The following ARHGEF18 variants were observed in gnomAD, a reference collection of about 807,000 sequenced individuals.
ARHGEF18 encodes the protein rho guanine nucleotide exchange factor 18.
A neutral mutation model predicts 155.7 loss-of-function variants in ARHGEF18; 93 were observed. That is an observed-to-expected ratio of 0.60 (90% CI 0.50 to 0.71). The LOEUF (loss-of-function observed/expected upper bound fraction) is 0.71, where lower values mean the gene tolerates loss of function less well. Ranked by LOEUF, ARHGEF18 falls within the 30% of genes least tolerant of loss-of-function variation. The pLI, the probability that ARHGEF18 is intolerant of heterozygous loss-of-function variation, is 0.00. For missense variants in ARHGEF18, 1,593 were observed against 1,816.1 expected, an observed-to-expected ratio of 0.88 and a Z score of 2.23; for synonymous variants, 742 against 753.1, an observed-to-expected ratio of 0.99 and a Z score of 0.24.
At chr19:7,383,225 A>G (rs1333295605) in intron 10 of ARHGEF18, 22 bp downstream of exon 10, 2 of 1,232,146 alleles carry the variant, frequency 1.6e-6, no homozygotes, top group African/African-American at 3.1e-5. Context: ...GGCCCAATCC[A>G]TCCTCCTGGA....
rs75724918 is a variant in ARHGEF18 at position 7,451,289 on chromosome 19, C to T, written c.1855+23C>T. 12,601 of 1,604,550 alleles carry T rather than the reference C, an allele frequency of 7.9e-3. 263 individuals carry two copies. Among genetic ancestry groups the T allele is most frequent in the Admixed American group, 0.047 (2,804 of 59,776 alleles). ...AAGGTAGGCCTTCTCCCCACTGCCCCGCCCGCCCGTGCTGCTGCAGCACAG... is the reference window on the plus strand; with the variant it reads ...AAGGTAGGCCTTCTCCCCACTGCCCTGCCCGCCCGTGCTGCTGCAGCACAG... On this transcript the variant is annotated intron_variant, in intron 16 of 28. Coordinates refer to ENST00000668164, the MANE Select transcript of ARHGEF18 (RefSeq NM_001367823.1).
intron 10 of ARHGEF18, among the ~76,000 whole-genome samples, chr19:7,396,137 G>A (rs1442602059): frequency 6.6e-6 from 1 of 152,174 alleles, no homozygotes; most frequent in Non-Finnish European, 1.5e-5. Context: ...GCACTTGAGT[G>A]TTTTGCTGTG....
chr19:7,479,439 G>A, the ARHGEF18 span, among the ~76,000 whole-genome samples: 4 of 152,142 alleles, frequency 2.6e-5, no homozygotes, highest in Admixed American at 6.6e-5. Flanking sequence ...AGCCAAGATC[G>A]CACCACTGCA....
chr19:7,421,802 C>T (rs1973364713), intron 10 of ARHGEF18, among the ~76,000 whole-genome samples: 1 of 152,098 alleles, frequency 6.6e-6, no homozygotes, highest in South Asian at 2.1e-4. Flanking sequence ...GATGATGGCC[C>T]TGACTCCACG....
rs1240042719 is a variant in ARHGEF18 at position 7,438,035 on chromosome 19, C to CCTCTTCTCTCCT, written c.968-2298_968-2287dup. ...CCTCCCCTCCCTTCCCTTCCCCTCTCCTCTTCTCTCCTCTCTTCTCTCTTC... is the reference window on the plus strand; with the variant it reads ...CCTCCCCTCCCTTCCCTTCCCCTCTCCTCTTCTCTCCTCTCTTCTCTCCTCTCTTCTCTCTTC... On this transcript the variant is annotated intron_variant, in intron 10 of 28. Coordinates refer to ENST00000668164, the MANE Select transcript of ARHGEF18 (RefSeq NM_001367823.1). 3.6e-5 allele frequency among the ~76,000 whole-genome samples: 4 copies of CCTCTTCTCTCCT among 111,318 alleles called. No homozygotes were observed. In the South Asian group the frequency reaches 1.7e-3, roughly 49 times the overall value. The allele number at this position is 111,318 out of a possible 152,430, so 73.0% of individuals were successfully genotyped here.
rs182458079 is a variant in ARHGEF18 at position 7,396,695 on chromosome 19, C to T, written c.967+13492C>T. On this transcript the variant is annotated intron_variant, in intron 10 of 28. Transcript: ENST00000668164. ...GGGCCACTGCACTCCAGCCTGGCGA[C>T]AGAGCAAGACTGTCTAAAAAAAAAA... Among the ~76,000 whole-genome samples, 19 of 148,674 alleles carry T rather than the reference C, an allele frequency of 1.3e-4. No individual in the cohort carries two copies. The East Asian group carries it at 2.5e-3, about 20-fold the overall frequency.
At chr19:7,366,338 C>G (rs1043842319) in intron 2 of ARHGEF18, among the ~76,000 whole-genome samples, 9 of 152,230 alleles carry the variant, frequency 5.9e-5, no homozygotes, top group Admixed American at 2.0e-4. Flanking sequence ...TTTGGCCAAC[C>G]AGACTCGTGT....
In ARHGEF18 at chr19:7,395,143, C is replaced by A; in HGVS notation, c.967+11940C>A. 1.0e-6 allele frequency: 1 copy of A among 985,610 alleles called. No homozygotes were observed. The highest frequency in any genetic ancestry group is 1.2e-6 in the Non-Finnish European group (1 of 830,042). 61.1% of individuals were successfully genotyped at this position (985,610 alleles called of 1,614,324 possible). ...GCGGCTTCCCGCTTCCGGCTCCCAGCTGCTAGCTACTGTGGATCTGGGGGG... is the reference window on the plus strand; with the variant it reads ...GCGGCTTCCCGCTTCCGGCTCCCAGATGCTAGCTACTGTGGATCTGGGGGG... On this transcript the variant is annotated intron_variant, in intron 10 of 28. Coordinates refer to ENST00000668164, the MANE Select transcript of ARHGEF18 (RefSeq NM_001367823.1). The surrounding 1 kb of genome is among the most constrained non-coding windows in gnomAD (Gnocchi z 5.0).
intron 10 of ARHGEF18, among the ~76,000 whole-genome samples, chr19:7,418,676 G>A (rs1370905224): frequency 6.6e-6 from 1 of 152,094 alleles, no homozygotes; most frequent in Non-Finnish European, 1.5e-5. Flanking sequence ...TCTGGATCTC[G>A]GAGGTGGGGG....
At chr19:7,432,773 A>G (rs1248876224) in intron 10 of ARHGEF18, among the ~76,000 whole-genome samples, 1 of 152,226 alleles carries the variant, frequency 6.6e-6, no homozygotes, top group African/African-American at 2.4e-5. Flanking sequence ...AAGACAGGCA[A>G]TTCTTGCTTA....
At chr19:7,446,943 TA>T in intron 14 of ARHGEF18, 99 bp from the exon 15 acceptor site, 1 of 1,250,830 alleles carries the variant, frequency 8.0e-7, no homozygotes, top group East Asian at 3.0e-5. Flanking sequence ...GAATTGCAAA[TA>T]AATCTAATAT....
At chr19:7,448,671 CAA>C (rs1007436386) in intron 15 of ARHGEF18, among the ~76,000 whole-genome samples, 1 of 136,854 alleles carries the variant, frequency 7.3e-6, no homozygotes. Context: ...CAAAAAAATA[CAA>C]AAAAAAAAAA....
intron 1 of ARHGEF18, among the ~76,000 whole-genome samples, chr19:7,357,106 C>T (rs557765978): frequency 4.6e-5 from 7 of 152,224 alleles, no homozygotes; most frequent in Admixed American, 3.3e-4. Context: ...GCGACTTGCT[C>T]GAGGTCACAC....
chr19:7,363,844 G>A (rs765850618), intron 2 of ARHGEF18, among the ~76,000 whole-genome samples: 1 of 151,254 alleles, frequency 6.6e-6, no homozygotes, highest in Non-Finnish European at 1.5e-5. Context: ...GAGAAGAAGG[G>A]TGAGTGAAAA....
At chr19:7,360,411 T>C (rs2145334227) in intron 1 of ARHGEF18, among the ~76,000 whole-genome samples, 1 of 152,192 alleles carries the variant, frequency 6.6e-6, no homozygotes, top group Non-Finnish European at 1.5e-5. Flanking sequence ...AATGTTTGTA[T>C]TTTCAGTAGA....
At chr19:7,415,081 A>G (rs975516633) in intron 10 of ARHGEF18, among the ~76,000 whole-genome samples, 2 of 152,156 alleles carry the variant, frequency 1.3e-5, no homozygotes. Flanking sequence ...CCCCCAAAAT[A>G]AAAACCACGC....
intron 1 of ARHGEF18, among the ~76,000 whole-genome samples, chr19:7,360,596 G>A (rs1177125635): frequency 6.6e-6 from 1 of 152,148 alleles, no homozygotes; most frequent in African/African-American, 2.4e-5. Flanking sequence ...CAGATACAGG[G>A]CATGAGGTCC....
chr19:7,448,913 C>T (rs1334161264), intron 15 of ARHGEF18, among the ~76,000 whole-genome samples: 1 of 152,100 alleles, frequency 6.6e-6, no homozygotes, highest in Non-Finnish European at 1.5e-5. Context: ...ACTGCTGATT[C>T]CACAAGAGCT....
chr19:7,408,496 T>G (rs1972475455), intron 10 of ARHGEF18, among the ~76,000 whole-genome samples: 1 of 152,166 alleles, frequency 6.6e-6, no homozygotes, highest in African/African-American at 2.4e-5. Flanking sequence ...ACAGTTCTGT[T>G]TCTAGGGCCA....
Sources: gnomAD v4.1 joint callset for allele counts (sites outside exome capture counted in the v4.1 genomes callset) on GRCh38, gnomAD v4.1.1 for gene constraint, Gnocchi (gnomAD v3.1) non-coding constraint, MANE v1.5 for transcripts, NCBI Gene and HGNC (gene_info 2026-07-23, HGNC 2026-07-21) for gene names.